TUSC3: variants seen among roughly 807,000 people sequenced by gnomAD.
TUSC3 encodes tumor suppressor candidate 3.
TUSC3 carries 45 observed loss-of-function variants against 44.8 expected under a neutral mutation model. The ratio of observed to expected loss-of-function variants is 1.00; its 90% CI spans 0.79 to 1.29. TUSC3 has a LOEUF of 1.29. Ranked by LOEUF, TUSC3 falls within the 50% of genes most tolerant of loss-of-function variation. TUSC3 has a pLI of 0.00. For synonymous variants in TUSC3, 212 were observed against 152.9 expected, an observed-to-expected ratio of 1.39 and a Z score of -2.85; for missense variants, 519 against 437.9, an observed-to-expected ratio of 1.19 and a Z score of -1.65.
intron 1 of TUSC3, among the ~76,000 whole-genome samples, chr8:15,440,269 C>T (rs1331895549): frequency 6.6e-6 from 1 of 152,050 alleles, no homozygotes; most frequent in Non-Finnish European, 1.5e-5. Context: ...ATGCAAAGTC[C>T]CTGTGGCCAT....
intron 6 of TUSC3, among the ~76,000 whole-genome samples, chr8:15,692,368 C>CT (rs1808943065): frequency 9.9e-6 from 1 of 101,464 alleles, no homozygotes; most frequent in South Asian, 4.2e-4. Context: ...CCCCCCCCCC[C>CT]CCCTTTGTTT....
chr8:15,788,175 G>A, the TUSC3 span, among the ~76,000 whole-genome samples: 3 of 152,130 alleles, frequency 2.0e-5, no homozygotes, highest in African/African-American at 7.2e-5. Flanking sequence ...TGAAAAACAT[G>A]TTTAGACCTT....
intron 1 of TUSC3, among the ~76,000 whole-genome samples, chr8:15,570,954 GTT>G (rs549277334): frequency 0.14 from 6,023 of 44,482 alleles, 950 homozygotes; most frequent in African/African-American, 0.32. Flanking sequence ...TTGCCTATTA[GTT>G]TTTTTTTTTT....
chr8:15,435,116 C>A (rs1585787620), intron 1 of TUSC3, among the ~76,000 whole-genome samples: 2 of 149,230 alleles, frequency 1.3e-5, no homozygotes, highest in East Asian at 3.9e-4. Flanking sequence ...GCCACACCGA[C>A]TTCCACAATG....
intron 6 of TUSC3, among the ~76,000 whole-genome samples, chr8:15,724,519 AT>A (rs1268482902): frequency 6.6e-6 from 1 of 152,004 alleles, no homozygotes; most frequent in Non-Finnish European, 1.5e-5. Flanking sequence ...AAAATACAAG[AT>A]TTTTTCCCTC....
At chr8:15,599,651 G>A (rs569293237) in intron 1 of TUSC3, among the ~76,000 whole-genome samples, 1 of 148,236 alleles carries the variant, frequency 6.7e-6, no homozygotes, top group Non-Finnish European at 1.5e-5. Flanking sequence ...ATATCTAGCT[G>A]TTCTAGCATC....
At chr8:15,666,706 G>T (rs1181446467) in intron 5 of TUSC3, among the ~76,000 whole-genome samples, 1 of 151,086 alleles carries the variant, frequency 6.6e-6, no homozygotes, top group Non-Finnish European at 1.5e-5. Flanking sequence ...CTTTAAAAAT[G>T]AGAAGCAAGT....
At chr8:15,509,510 A>G (rs1372578379) in intron 2 of TUSC3, among the ~76,000 whole-genome samples, 1 of 152,126 alleles carries the variant, frequency 6.6e-6, no homozygotes, top group Admixed American at 6.5e-5. Context: ...CGGGAGGCTG[A>G]GGCAGGAGAG....
At chr8:15,516,553 T>C (rs1048537393) in intron 2 of TUSC3, among the ~76,000 whole-genome samples, 1 of 152,186 alleles carries the variant, frequency 6.6e-6, no homozygotes, top group Non-Finnish European at 1.5e-5. Context: ...TCTTAATTAA[T>C]GTAGGTAAGT....
At chr8:15,774,452 A>C in the TUSC3 span, among the ~76,000 whole-genome samples, 2 of 152,308 alleles carry the variant, frequency 1.3e-5, no homozygotes, top group Non-Finnish European at 2.9e-5. Context: ...TCGCCTGACT[A>C]CAAGCCAGCA....
rs951535149 is a variant in TUSC3, at chr8:15,532,458, T to C, written n.189+48975T>C. Among the ~76,000 whole-genome samples, 12 of 152,280 alleles carry C rather than the reference T, an allele frequency of 7.9e-5. No individual in the cohort carries two copies. The South Asian group carries it at 2.3e-3, about 29-fold the overall frequency. Reference sequence around the variant, plus strand: ...GTTAAGATAAGCCCTGGAAAGACCATAGATCCACAGGAAAAACTATGGTCC... The same window carrying C: ...GTTAAGATAAGCCCTGGAAAGACCACAGATCCACAGGAAAAACTATGGTCC... On this transcript the variant is annotated intron_variant and non_coding_transcript_variant, in intron 2 of 5. Coordinates refer to the TUSC3 transcript ENST00000503191.
chr8:15,423,631 C>T (rs1495088), intron 1 of TUSC3, among the ~76,000 whole-genome samples: 50,701 of 152,034 alleles, frequency 0.33, 10,079 homozygotes, highest in African/African-American at 0.56. Flanking sequence ...GTTTGAAATA[C>T]CTGCTCACCA....
chr8:15,616,805 C>G (rs1563135789), intron 1 of TUSC3, among the ~76,000 whole-genome samples: 1 of 152,120 alleles, frequency 6.6e-6, no homozygotes, highest in Non-Finnish European at 1.5e-5. Context: ...TTGGGTGCCG[C>G]TGCGTTCCCC....
chr8:15,671,299 G>A (rs1190367502), intron 5 of TUSC3, among the ~76,000 whole-genome samples: 2 of 151,896 alleles, frequency 1.3e-5, no homozygotes, highest in African/African-American at 4.8e-5. Flanking sequence ...TATGAATCAT[G>A]CCCTTTTTTG....
At chr8:15,600,585 T>G (rs919045122) in intron 1 of TUSC3, among the ~76,000 whole-genome samples, 5 of 151,708 alleles carry the variant, frequency 3.3e-5, no homozygotes, top group African/African-American at 1.2e-4. Flanking sequence ...GGTTACAGAT[T>G]AAAATAAATT....
chr8:15,826,357 T>A, the TUSC3 span, among the ~76,000 whole-genome samples: 1 of 152,178 alleles, frequency 6.6e-6, no homozygotes, highest in Admixed American at 6.5e-5. Flanking sequence ...CAAGTAAAGA[T>A]TAATTAGCAC....
chr8:15,524,443 A>G (rs1276339787), intron 2 of TUSC3, among the ~76,000 whole-genome samples: 1 of 152,154 alleles, frequency 6.6e-6, no homozygotes, highest in African/African-American at 2.4e-5. Context: ...TAACAGTAAT[A>G]ACGTCTTACA....
chr8:15,701,884 T>TG (rs1320901638), intron 6 of TUSC3, among the ~76,000 whole-genome samples: 1 of 152,150 alleles, frequency 6.6e-6, no homozygotes, highest in Non-Finnish European at 1.5e-5. Context: ...GAGAATTTCT[T>TG]GAAGCAAACA....
In TUSC3 at chr8:15,725,747, T is replaced by G. The variant is rs527763399; in HGVS notation, c.799-4919T>G. ...TCAAAGAGCTTAACAATTTGAAGTT[T>G]AGAGTAATTTGCTAAAGGTCTTACT... On this transcript the variant is annotated intron_variant, in intron 6 of 10. Coordinates refer to ENST00000503731, the MANE Select transcript of TUSC3 (RefSeq NM_006765.4). 9.8e-5 allele frequency among the ~76,000 whole-genome samples: 15 copies of G among 152,310 alleles called. 1 individual carries two copies. The highest frequency in any genetic ancestry group is 3.4e-3 in the Middle Eastern group (1 of 294).
Sources: allele counts gnomAD v4.1 joint callset (sites outside exome capture counted in the v4.1 genomes callset), GRCh38; gene constraint gnomAD v4.1.1; transcripts MANE v1.5; gene names NCBI Gene and HGNC (gene_info 2026-07-23, HGNC 2026-07-21).